The following PEAK1 variants were observed in gnomAD, a reference collection of about 807,000 sequenced individuals.
PEAK1 encodes the protein inactive tyrosine-protein kinase PEAK1.
In PEAK1, 54 loss-of-function variants were observed where a neutral mutation model predicts 124.7. The observed-to-expected ratio is 0.43, with a 90% CI of 0.35 to 0.54. PEAK1 has a LOEUF of 0.54. Among genes scored for constraint, PEAK1 ranks in the 20% least tolerant of loss-of-function variants. The pLI, the probability that PEAK1 is intolerant of heterozygous loss-of-function variation, is 0.01. For missense variants in PEAK1, 2,046 were observed against 2,134.5 expected (o/e 0.96, Z 0.82); for synonymous variants, 719 against 760.0 (o/e 0.95, Z 0.89).
chr15:77,202,279 G>A (rs2058398181), intron 6 of PEAK1, among the ~76,000 whole-genome samples: 1 of 151,976 alleles, frequency 6.6e-6, no homozygotes, highest in South Asian at 2.1e-4. Context: ...TAGGAGTGCC[G>A]ACCCCTCATG....
intron 1 of PEAK1, among the ~76,000 whole-genome samples, chr15:77,411,922 T>C (rs545760266): frequency 6.6e-6 from 1 of 152,348 alleles, no homozygotes; most frequent in Admixed American, 6.5e-5. Flanking sequence ...CCTAGTACTT[T>C]ATATCTTTAT....
chr15:77,133,457 C>CT lies in PEAK1; in HGVS notation c.3624dup (p.Gly1209ArgfsTer5). ...GAGTCATAAGACTCAATGTCCAGTC[C>CT]TTTGAGTTCATAGCTGATGGAAGAA... On this transcript the variant is annotated frameshift_variant, in exon 9 of 10. Transcript: ENST00000682557. LOFTEE classifies it high-confidence loss of function. This position sits in a 1 kb window ranked among gnomAD's most constrained non-coding sequence, Gnocchi z 4.2. 6.2e-7 allele frequency: 1 copy of CT among 1,614,208 alleles called. No homozygotes were observed. Among genetic ancestry groups the CT allele is most frequent in the Non-Finnish European group, 8.5e-7 (1 of 1,180,036 alleles).
At position 77,269,232 on chromosome 15, in the gene PEAK1, G is replaced by C. The variant is rs112158130; in HGVS notation, c.-275+14651C>G. On this transcript the variant is annotated intron_variant, in intron 5 of 9. Transcript: ENST00000682557. ...TTAAAAGACAGAGAATGGCAGAATG[G>C]ATAAGAATTCAGTAACTAAGTATCT... is the stretch of plus-strand genomic sequence containing the variant. Among the ~76,000 whole-genome samples the C allele has an allele frequency of 8.6e-3, 1,304 of 152,254 alleles. 19 individuals carry two copies. The highest frequency in any genetic ancestry group is 0.03 in the African/African-American group (1,245 of 41,556).
Position 77,114,912 on chromosome 15 carries a change from C to A in PEAK1, c.4485G>T (p.Leu1495=). 1 of 1,614,002 alleles carries A rather than the reference C, an allele frequency of 6.2e-7. No homozygotes were observed. Among genetic ancestry groups the A allele is most frequent in the Non-Finnish European group, 8.5e-7 (1 of 1,180,022 alleles). The change falls in exon 10 of 10, where the codon CTG becomes CTT. Residue 1495 remains leucine (L), a synonymous_variant. Transcript: ENST00000682557. ...SPDLYERQVC[L]LLLQLCSGLE... ...GACCAGAGCATAGCTGTAAGAGCAG[C>A]AGACACACCTGCCTCTCATACAAAT...
At chr15:77,255,445 T>A in intron 5 of PEAK1, 4 of 875,796 alleles carry the variant, frequency 4.6e-6, no homozygotes, top group Non-Finnish European at 5.5e-6. Flanking sequence ...AAGAAAGAAG[T>A]TACCTTTCTG....
intron 1 of PEAK1, among the ~76,000 whole-genome samples, chr15:77,390,127 A>C (rs1230084245): frequency 6.6e-6 from 1 of 152,208 alleles, no homozygotes; most frequent in Non-Finnish European, 1.5e-5. Flanking sequence ...ATAACAGTAA[A>C]AATTTCAAAA....
intron 2 of PEAK1, chr15:77,347,783 T>C: frequency 1.0e-6 from 1 of 984,210 alleles, no homozygotes; most frequent in Non-Finnish European, 1.2e-6. Flanking sequence ...ATTTAGTGAG[T>C]GTATAGATCA....
chr15:77,279,014 A>C (rs2062505776), intron 5 of PEAK1, among the ~76,000 whole-genome samples: 1 of 151,802 alleles, frequency 6.6e-6, no homozygotes, highest in South Asian at 2.1e-4. Context: ...TATTTTTAGT[A>C]GAGGTGGGGT....
intron 2 of PEAK1, chr15:77,335,826 A>G: frequency 1.0e-6 from 1 of 985,362 alleles, no homozygotes; most frequent in Non-Finnish European, 1.2e-6. Flanking sequence ...GCTTCTAGGT[A>G]ATGGTTTCCA....
chr15:77,267,944 C>A (rs759724824), intron 5 of PEAK1, among the ~76,000 whole-genome samples: 41 of 151,412 alleles, frequency 2.7e-4, no homozygotes, highest in African/African-American at 1.0e-3. Context: ...AGGTGAAGTC[C>A]AAGAAATAAA....
chr15:77,307,963 T>C (rs879542703), intron 2 of PEAK1, among the ~76,000 whole-genome samples: 2 of 152,086 alleles, frequency 1.3e-5, no homozygotes, highest in African/African-American at 2.4e-5. Context: ...ACTATGGGAA[T>C]TCTGAGGATA....
In PEAK1 at chr15:77,355,993, A is replaced by C. The variant is rs2067494061; in HGVS notation, c.-603+9170T>G. The C allele has an allele frequency of 7.4e-6, 7 of 942,746 alleles. No homozygotes were observed. In the South Asian group the frequency reaches 2.5e-4, roughly 33 times the overall value. The allele number at this position is 942,746 out of a possible 1,614,324, so 58.4% of individuals were successfully genotyped here. A position where few individuals can be genotyped will look rare whatever the true frequency, so the allele number is the denominator to read the frequency against. ...AAAGCTGTGGGATAACAAACGAGAA[A>C]AAGAACTACTAAAGTTCTATTTTGC... On this transcript the variant is annotated intron_variant, in intron 2 of 9. Transcript: ENST00000682557.
rs1183310908 is a variant in PEAK1, at chr15:77,351,793, G to A, written c.-603+13370C>T. 4.1e-6 allele frequency: 4 copies of A among 985,280 alleles called. No individual in the cohort carries two copies. The South Asian group carries it at 1.4e-4, about 35-fold the overall frequency. 61.0% of individuals were successfully genotyped at this position (985,280 alleles called of 1,614,324 possible). On this transcript the variant is annotated intron_variant, in intron 2 of 9. Transcript: ENST00000682557. ...AAGACTTTATCTTGATGAAAATGTG[G>A]AGCACTGAAAAGTTTTGAACACGGG...
intron 5 of PEAK1, among the ~76,000 whole-genome samples, chr15:77,267,070 C>T (rs961570187): frequency 3.3e-4 from 50 of 152,210 alleles, no homozygotes; most frequent in African/African-American, 1.1e-3. Context: ...CTCTGGCTGC[C>T]GGCATTCTCC....
chr15:77,139,512 T>A (rs1026765138), intron 8 of PEAK1, among the ~76,000 whole-genome samples: 8 of 152,128 alleles, frequency 5.3e-5, no homozygotes, highest in African/African-American at 1.9e-4. Context: ...CCTTGCGCTG[T>A]GATGTCACAA....
chr15:77,152,674 A>G (rs1180528601), intron 8 of PEAK1, among the ~76,000 whole-genome samples: 1 of 152,186 alleles, frequency 6.6e-6, no homozygotes, highest in Non-Finnish European at 1.5e-5. Flanking sequence ...TCAATACCTC[A>G]TTTATTGAGA....
intron 5 of PEAK1, among the ~76,000 whole-genome samples, chr15:77,282,673 A>G (rs2062732541): frequency 6.6e-6 from 1 of 152,196 alleles, no homozygotes. Flanking sequence ...CCTCAGTTAA[A>G]TGTCATAACT....
chr15:77,126,690 T>A (rs2052403161), intron 9 of PEAK1, among the ~76,000 whole-genome samples: 1 of 152,218 alleles, frequency 6.6e-6, no homozygotes, highest in Non-Finnish European at 1.5e-5. Flanking sequence ...TATACACTGA[T>A]GTGAAAACCA....
At chr15:77,277,496 C>A (rs1309935310) in intron 5 of PEAK1, among the ~76,000 whole-genome samples, 1 of 151,856 alleles carries the variant, frequency 6.6e-6, no homozygotes, top group African/African-American at 2.4e-5. Flanking sequence ...TCTATAGTTA[C>A]ATAAGATGGA....
Sources: allele counts gnomAD v4.1 joint callset (sites outside exome capture counted in the v4.1 genomes callset), GRCh38; gene constraint gnomAD v4.1.1; non-coding constraint Gnocchi (gnomAD v3.1); transcripts MANE v1.5; gene names NCBI Gene and HGNC (gene_info 2026-07-23, HGNC 2026-07-21).